The following EFCAB6 variants were observed in gnomAD, a reference collection of about 807,000 sequenced individuals.
The protein encoded by EFCAB6 is EF-hand calcium binding domain 6.
In EFCAB6, 156 loss-of-function variants were observed where a neutral mutation model predicts 169.8. The ratio of observed to expected loss-of-function variants is 0.92; its 90% CI spans 0.81 to 1.05. The LOEUF (loss-of-function observed/expected upper bound fraction) is 1.05. EFCAB6 is among the 50% of genes least tolerant of loss of function. The probability of loss-of-function intolerance (pLI) is 0.00; values close to 1 mark genes in which losing one functional copy is unlikely to be tolerated. For missense variants in EFCAB6, 1,800 were observed against 1,829.1 expected (o/e 0.98, Z 0.29); for synonymous variants, 698 against 676.4 (o/e 1.03, Z -0.50).
At chr22:43,667,708 T>G (rs1423296256) in intron 16 of EFCAB6, among the ~76,000 whole-genome samples, 3 of 152,130 alleles carry the variant, frequency 2.0e-5, no homozygotes, top group Non-Finnish European at 4.4e-5. Flanking sequence ...TTGTGGTAAC[T>G]AGATCAAGGA....
intron 28 of EFCAB6, among the ~76,000 whole-genome samples, chr22:43,538,376 GT>G (rs1233501161): frequency 6.6e-6 from 1 of 151,970 alleles, no homozygotes; most frequent in African/African-American, 2.4e-5. Context: ...CATCCAGAGT[GT>G]TTTTTGTTTT....
At chr22:43,627,212 A>C (rs2054590668) in intron 19 of EFCAB6, among the ~76,000 whole-genome samples, 1 of 152,208 alleles carries the variant, frequency 6.6e-6, no homozygotes, top group Non-Finnish European at 1.5e-5. Flanking sequence ...ACTTCCACTC[A>C]GCCCATCGTG....
intron 23 of EFCAB6, among the ~76,000 whole-genome samples, chr22:43,591,961 T>A (rs1407884656): frequency 6.6e-6 from 1 of 152,240 alleles, no homozygotes; most frequent in East Asian, 1.9e-4. Context: ...CTGAGTAATA[T>A]GCCTGTCTGA....
Position 43,683,747 on chromosome 22 carries a change from A to T in EFCAB6, c.1251T>A (p.Thr417=). 1.3e-6 allele frequency: 2 copies of T among 1,598,316 alleles called. No homozygotes were observed. Among genetic ancestry groups the T allele is most frequent in the Non-Finnish European group, 1.7e-6 (2 of 1,165,586 alleles). The change falls in exon 12 of 32, where the codon ACT becomes ACA. Residue 417 remains threonine (T), a splice_region_variant and synonymous_variant. Coordinates refer to ENST00000262726, the MANE Select transcript of EFCAB6 (RefSeq NM_022785.4). ...SLKKALLIIN[T]KPDGPITREE... Reference sequence around the variant, plus strand: ...CAAGAGAAGGCTTTCAAAATCTTACAGTGTTGATTATCAGTAATGCTTTCT... The same window carrying T: ...CAAGAGAAGGCTTTCAAAATCTTACTGTGTTGATTATCAGTAATGCTTTCT...
chr22:43,545,393 C>G (rs563608323), intron 27 of EFCAB6, among the ~76,000 whole-genome samples: 3 of 152,206 alleles, frequency 2.0e-5, no homozygotes, highest in Non-Finnish European at 4.4e-5. Context: ...AGCCTCCGTT[C>G]ACAAAACACC....
chr22:43,668,010 T>C (rs967023513), intron 16 of EFCAB6, among the ~76,000 whole-genome samples: 2 of 152,218 alleles, frequency 1.3e-5, no homozygotes, highest in Non-Finnish European at 2.9e-5. Flanking sequence ...CTACATTTTA[T>C]GAAATGTTTA....
At chr22:43,591,349 C>T (rs1428166400) in intron 23 of EFCAB6, among the ~76,000 whole-genome samples, 2 of 150,428 alleles carry the variant, frequency 1.3e-5, no homozygotes, top group Non-Finnish European at 3.0e-5. Flanking sequence ...CCCAGCTACT[C>T]GAGAGGCTGA....
At chr22:43,555,961 G>A (rs9626081) in intron 26 of EFCAB6, among the ~76,000 whole-genome samples, 6,970 of 152,300 alleles carry the variant, frequency 0.046, 557 homozygotes, top group African/African-American at 0.16. Flanking sequence ...CGCAGAGGGC[G>A]GCATCCCACC....
At chr22:43,611,397 C>G (rs778952080) in intron 21 of EFCAB6, among the ~76,000 whole-genome samples, 3 of 152,150 alleles carry the variant, frequency 2.0e-5, no homozygotes, top group Non-Finnish European at 4.4e-5. Context: ...TTGGGATAAT[C>G]AATATCATTA....
At chr22:43,695,688 T>C (rs534968052) in intron 10 of EFCAB6, among the ~76,000 whole-genome samples, 238 of 152,198 alleles carry the variant, frequency 1.6e-3, no homozygotes, top group Admixed American at 2.4e-3. Flanking sequence ...ATATGGTTAG[T>C]TAATTTTCAA....
At chr22:43,661,181 C>T (rs2056981950) in intron 17 of EFCAB6, among the ~76,000 whole-genome samples, 1 of 152,010 alleles carries the variant, frequency 6.6e-6, no homozygotes, top group Admixed American at 6.6e-5. Flanking sequence ...TCAAGAGTGG[C>T]CGGGGCAACA....
At chr22:43,611,099 T>C (rs1267263562) in intron 21 of EFCAB6, among the ~76,000 whole-genome samples, 2 of 152,180 alleles carry the variant, frequency 1.3e-5, no homozygotes, top group African/African-American at 2.4e-5. Flanking sequence ...CAGACAAAGA[T>C]ATTACAAGTA....
chr22:43,530,310 C>T (rs1011318134), intron 31 of EFCAB6, among the ~76,000 whole-genome samples: 1 of 152,184 alleles, frequency 6.6e-6, no homozygotes, highest in Non-Finnish European at 1.5e-5. Context: ...AAAACCACTG[C>T]GGGGTGTTTG....
intron 24 of EFCAB6, among the ~76,000 whole-genome samples, chr22:43,584,486 G>A (rs568289017): frequency 3.9e-5 from 6 of 151,928 alleles, no homozygotes; most frequent in Admixed American, 1.3e-4. Context: ...AGTCTCACTA[G>A]CTTCTCACAG....
At chr22:43,700,180 C>T (rs2058716111) in intron 10 of EFCAB6, among the ~76,000 whole-genome samples, 1 of 152,174 alleles carries the variant, frequency 6.6e-6, no homozygotes, top group African/African-American at 2.4e-5. Context: ...CATACACACA[C>T]ACAGAAAACA....
intron 6 of EFCAB6, among the ~76,000 whole-genome samples, chr22:43,746,048 G>C (rs1261065301): frequency 1.3e-5 from 2 of 152,154 alleles, no homozygotes; most frequent in African/African-American, 4.8e-5. Context: ...AGCTGGTAGA[G>C]ATGCGCCAAA....
chr22:43,786,192 G>A (rs1314309928), intron 2 of EFCAB6, among the ~76,000 whole-genome samples: 11 of 151,978 alleles, frequency 7.2e-5, no homozygotes, highest in South Asian at 4.2e-4. Flanking sequence ...GCGAAACCCC[G>A]TTTCTACTAA....
At chr22:43,539,806 GCA>G (rs2147060684) in intron 28 of EFCAB6, among the ~76,000 whole-genome samples, 1 of 152,364 alleles carries the variant, frequency 6.6e-6, no homozygotes, top group African/African-American at 2.4e-5. Context: ...TTTGCCTTCT[GCA>G]CAGAGTTGCC....
At chr22:43,706,265 G>T (rs2058956583) in intron 10 of EFCAB6, among the ~76,000 whole-genome samples, 2 of 152,196 alleles carry the variant, frequency 1.3e-5, no homozygotes, top group Admixed American at 1.3e-4. Context: ...GCTCCTGGGA[G>T]GCTCCTCCCA....
Sources: gnomAD v4.1 joint callset for allele counts (sites outside exome capture counted in the v4.1 genomes callset) on GRCh38, gnomAD v4.1.1 for gene constraint, MANE v1.5 for transcripts, NCBI Gene and HGNC (gene_info 2026-07-23, HGNC 2026-07-21) for gene names.